The following LIAS variants were observed in gnomAD, a reference collection of about 807,000 sequenced individuals.
LIAS encodes the protein lipoic acid synthetase, also known as lipoyl synthase, mitochondrial.
In LIAS, 36 loss-of-function variants were observed where a neutral mutation model predicts 49.4. That is an observed-to-expected ratio of 0.73 (90% CI 0.56 to 0.96). LIAS has a LOEUF of 0.96. Among genes scored for constraint, LIAS ranks in the 40% least tolerant of loss-of-function variants. The probability of loss-of-function intolerance (pLI) is 0.00; values close to 1 mark genes in which losing one functional copy is unlikely to be tolerated. For synonymous variants in LIAS, 145 were observed against 155.8 expected (o/e 0.93, Z 0.52); for missense variants, 399 against 456.3 (o/e 0.87, Z 1.14).
intron 7 of LIAS, chr4:39,469,176 A>C (rs988436002): frequency 2.6e-5 from 4 of 152,226 alleles, no homozygotes; most frequent in African/African-American, 9.6e-5. Context: ...AGTAAACAAT[A>C]ACCACCATTT....
At position 39,478,267 on chromosome 4, in the gene LIAS, G is replaced by T. The variant is rs1321965933; in HGVS notation, c.*1152G>T. 6.6e-6 allele frequency: 1 copy of T among 152,196 alleles called. No homozygotes were observed. Among genetic ancestry groups the T allele is most frequent in the Non-Finnish European group, 1.5e-5 (1 of 68,044 alleles). 9.4% of individuals were successfully genotyped at this position (152,196 alleles called of 1,614,324 possible). A position where few individuals can be genotyped will look rare whatever the true frequency, so the allele number is the denominator to read the frequency against. On this transcript the variant is annotated 3_prime_UTR_variant, in exon 11 of 11. Transcript: ENST00000640888. The stretch of plus-strand genomic sequence containing the variant: ...GCCTGTAATTCCAGCACTCTGAGAG[G>T]CCGAGGTGGGCAGATCACCTGAGGT...
intron 7 of LIAS, 176 bp downstream of exon 7, chr4:39,467,822 C>A: frequency 2.2e-6 from 1 of 452,998 alleles, no homozygotes; most frequent in South Asian, 5.3e-5. Flanking sequence ...AAAATATCAC[C>A]AACAAAATCA....
At position 39,473,086 on chromosome 4, in the gene LIAS, T is replaced by C; in HGVS notation, c.955-14T>C. The C allele has an allele frequency of 7.2e-7, 1 of 1,397,678 alleles. No homozygotes were observed. The highest frequency in any genetic ancestry group is 1.0e-6 in the Non-Finnish European group (1 of 983,120). 86.6% of individuals were successfully genotyped at this position (1,397,678 alleles called of 1,614,324 possible). ...AATTCTAAAATCTGATCAGAAGTAA[T>C]TATTTAAATCTAGGTTGAAGAATAT... On this transcript the variant is annotated splice_polypyrimidine_tract_variant and intron_variant, in intron 9 of 10. Transcript: ENST00000640888.
intron 9 of LIAS, among the ~76,000 whole-genome samples, chr4:39,472,360 C>A (rs1367728827): frequency 6.6e-6 from 1 of 152,050 alleles, no homozygotes; most frequent in East Asian, 1.9e-4. Flanking sequence ...GAAGAAAATC[C>A]TTGTATAAGT....
intron 7 of LIAS, 103 bp from the exon 8 acceptor site, chr4:39,469,916 A>C: frequency 9.6e-7 from 1 of 1,041,896 alleles, no homozygotes; most frequent in East Asian, 2.4e-5. Flanking sequence ...GTGATTTAAG[A>C]TAATGTGCAG....
intron 9 of LIAS, 92 bp downstream of exon 9, chr4:39,471,398 A>G: frequency 4.4e-6 from 4 of 917,674 alleles, no homozygotes; most frequent in Non-Finnish European, 6.6e-6. Flanking sequence ...TAGTGGCACA[A>G]TCTCGGCTCA....
intron 3 of LIAS, among the ~76,000 whole-genome samples, chr4:39,462,801 A>G (rs1235173086): frequency 6.6e-6 from 1 of 152,240 alleles, no homozygotes; most frequent in Non-Finnish European, 1.5e-5. Flanking sequence ...CCTGGCCAAC[A>G]TGGTGAAACC....
chr4:39,471,507 C>T (rs1332976323), intron 9 of LIAS, among the ~76,000 whole-genome samples: 4 of 130,254 alleles, frequency 3.1e-5, no homozygotes, highest in Admixed American at 8.5e-5. Context: ...CTAAAATATA[C>T]ATATATATAA....
intron 9 of LIAS, 47 bp from the exon 10 acceptor site, chr4:39,473,053 C>T (rs1745053700): frequency 8.8e-7 from 1 of 1,139,286 alleles, no homozygotes; most frequent in Non-Finnish European, 1.3e-6. Flanking sequence ...TCTGCAGAAT[C>T]AAAGTGGAAT....
At position 39,478,296 on chromosome 4, in the gene LIAS, G is replaced by C. The variant is rs1168375592; in HGVS notation, c.*1181G>C. 3 of 152,324 alleles carry C rather than the reference G, an allele frequency of 2.0e-5. No homozygotes were observed. The highest frequency in any genetic ancestry group is 3.4e-3 in the Middle Eastern group (1 of 294). 9.4% of individuals were successfully genotyped at this position (152,324 alleles called of 1,614,324 possible). A position where few individuals can be genotyped will look rare whatever the true frequency, so the allele number is the denominator to read the frequency against. On this transcript the variant is annotated 3_prime_UTR_variant, in exon 11 of 11. Transcript: ENST00000640888. ...AGGTGGGCAGATCACCTGAGGTCGG[G>C]AGTTTGAGAACAGCCTGGCCAACCT...
At chr4:39,460,712 GT>G (rs1345242829) in intron 1 of LIAS, 77 bp from the exon 2 acceptor site, 11 of 1,239,456 alleles carry the variant, frequency 8.9e-6, no homozygotes, top group Non-Finnish European at 1.1e-5. Context: ...TTACCCTTCC[GT>G]TTAGGTGTTA....
rs182927726 is a variant in LIAS at position 39,477,437 on chromosome 4, G to C, written c.*322G>C. 9.2e-6 allele frequency: 2 copies of C among 217,088 alleles called. No individual in the cohort carries two copies. Among genetic ancestry groups the C allele is most frequent in the Non-Finnish European group, 1.8e-5 (2 of 111,210 alleles). The allele number at this position is 217,088 out of a possible 1,614,324, so 13.4% of individuals were successfully genotyped here. A position where few individuals can be genotyped will look rare whatever the true frequency, so the allele number is the denominator to read the frequency against. On this transcript the variant is annotated 3_prime_UTR_variant, in exon 11 of 11. Transcript: ENST00000640888. ...CCAGCTACTCGGGAGGCTAAGGCAG[G>C]AGAATCACTTGAACCTGGGAGGGGG...
At chr4:39,463,792 T>C (rs1008605415) in intron 4 of LIAS, 187 bp downstream of exon 4, 2 of 1,175,660 alleles carry the variant, frequency 1.7e-6, no homozygotes, top group Non-Finnish European at 2.2e-6. Context: ...CTTCTCTGAA[T>C]AAATCTATTA....
intron 8 of LIAS, among the ~76,000 whole-genome samples, chr4:39,470,915 C>G (rs1196616971): frequency 2.1e-5 from 3 of 141,922 alleles, no homozygotes; most frequent in African/African-American, 8.1e-5. Context: ...TTTGCATATA[C>G]CATTTCCCAT....
intron 1 of LIAS, among the ~76,000 whole-genome samples, chr4:39,460,589 A>T (rs1744431635): frequency 6.6e-6 from 1 of 151,946 alleles, no homozygotes; most frequent in Admixed American, 6.6e-5. Flanking sequence ...AGTAGTAAAC[A>T]GTCAACTCTT....
In LIAS at chr4:39,471,575, G is replaced by A. The variant is rs112703940; in HGVS notation, c.954+269G>A. Among the ~76,000 whole-genome samples the A allele has an allele frequency of 0.082, 11,436 of 138,956 alleles. 589 individuals carry two copies. Among genetic ancestry groups the A allele is most frequent in the African/African-American group, 0.14 (5,138 of 36,450 alleles). 91.2% of individuals were successfully genotyped at this position (138,956 alleles called of 152,430 possible). On this transcript the variant is annotated intron_variant, in intron 9 of 10. Transcript: ENST00000640888. Reference sequence around the variant, plus strand: ...GGAGTCTCGCTCTGTCGCCCAGGCTGGAGTGCAGTGGGGCAATCTCGGCTC... The same window carrying A: ...GGAGTCTCGCTCTGTCGCCCAGGCTAGAGTGCAGTGGGGCAATCTCGGCTC...
chr4:39,466,709 T>C (rs1744771248), intron 6 of LIAS: 1 of 151,792 alleles, frequency 6.6e-6, no homozygotes, highest in African/African-American at 2.4e-5. Flanking sequence ...AAGACCCTGT[T>C]TTTATTTAAA....
chr4:39,476,737 G>C (rs1745206731), intron 10 of LIAS: 1 of 191,854 alleles, frequency 5.2e-6, no homozygotes, highest in African/African-American at 2.4e-5. Context: ...GCAATACTTT[G>C]ACAGTGATGA....
rs1417695501 is a variant in LIAS at position 39,460,954 on chromosome 4, AG to A, written c.212del (p.Gly71GlufsTer4). ...EYKGNLKRQK[G>X]ERLRLPPWLK... ...ATAAAGGAAACCTAAAACGCCAGAA[AG>A]GAGAAAGGTAATTGAAAATTTGAGA... On this transcript the variant is annotated frameshift_variant, in exon 2 of 11. Coordinates refer to ENST00000640888, the MANE Select transcript of LIAS (RefSeq NM_006859.4). LOFTEE classifies it high-confidence loss of function. The A allele has an allele frequency of 3.8e-6, 6 of 1,588,440 alleles. No individual in the cohort carries two copies. The highest frequency in any genetic ancestry group is 5.1e-6 in the Non-Finnish European group (6 of 1,171,070).
Sources: gnomAD v4.1 joint callset for allele counts (sites outside exome capture counted in the v4.1 genomes callset) on GRCh38, gnomAD v4.1.1 for gene constraint, MANE v1.5 for transcripts, NCBI Gene and HGNC (gene_info 2026-07-23, HGNC 2026-07-21) for gene names.